MYG1: variants seen among roughly 807,000 people sequenced by gnomAD.
MYG1 encodes UPF0160 protein MYG1, mitochondrial.
In MYG1, 36 loss-of-function variants were observed where a neutral mutation model predicts 43.5. The ratio of observed to expected loss-of-function variants is 0.83; its 90% CI spans 0.63 to 1.09. MYG1 has a LOEUF of 1.09. Ranked by LOEUF, MYG1 falls within the 50% of genes least tolerant of loss-of-function variation. MYG1 has a pLI of 0.00. For missense variants in MYG1, 529 were observed against 495.1 expected (o/e 1.07, Z -0.65); for synonymous variants, 220 against 202.8 (o/e 1.08, Z -0.72).
chr12:53,301,156 A>C (rs1024034176), intron 2 of MYG1, among the ~76,000 whole-genome samples: 5 of 151,930 alleles, frequency 3.3e-5, no homozygotes, highest in African/African-American at 9.7e-5. Flanking sequence ...TGGCCTTGTG[A>C]TCTGCCCCGC....
rs770496861 is a variant in MYG1 at position 53,307,029 on chromosome 12, C to T, written c.1011C>T (p.Ile337=). 1 of 1,614,138 alleles carries T rather than the reference C, an allele frequency of 6.2e-7. No homozygotes were observed. Among genetic ancestry groups the T allele is most frequent in the African/African-American group, 1.3e-5 (1 of 74,954 alleles). Residue 337 remains isoleucine (I), a synonymous_variant, in exon 7 of 7, where the codon ATC becomes ATT. Transcript: ENST00000267103. Reference sequence around the variant, plus strand: ...AGGCCCTGGACCAGGTCAGTGGGATCCCTGGCTGCATCTTCGTCCATGCAA... The same window carrying T: ...AGGCCCTGGACCAGGTCAGTGGGATTCCTGGCTGCATCTTCGTCCATGCAA... ...RDEALDQVSG[I]PGCIFVHASG...
rs528978516 is a variant in MYG1 at position 53,305,952 on chromosome 12, G to C, written c.534G>C (p.Gly178=). ...AGGAGGTGGATGCTGTGGACAATGG[G>C]ATCTCCCAGTGGGCAGAGGGGGAGC... ...FVEEVDAVDN[G]ISQWAEGEPR... is the part of the protein sequence containing the mutation. Residue 178 remains glycine (G), a synonymous_variant, in exon 4 of 7, where the codon GGG becomes GGC. Coordinates refer to ENST00000267103, the MANE Select transcript of MYG1 (RefSeq NM_021640.4). 6.2e-7 allele frequency: 1 copy of C among 1,613,368 alleles called. No homozygotes were observed. The highest frequency in any genetic ancestry group is 1.7e-5 in the Admixed American group (1 of 59,828).
chr12:53,304,381 G>T (rs551653429), intron 3 of MYG1, among the ~76,000 whole-genome samples: 1 of 151,906 alleles, frequency 6.6e-6, no homozygotes, highest in Non-Finnish European at 1.5e-5. Context: ...CGCCTCCTGG[G>T]TTCAAGCGAT....
chr12:53,301,979 A>AT (rs1402139006), intron 2 of MYG1, among the ~76,000 whole-genome samples: 1 of 146,414 alleles, frequency 6.8e-6, no homozygotes, highest in African/African-American at 2.6e-5. Context: ...GCCCAGCCTC[A>AT]TTTTTTTTAT....
chr12:53,306,146 G>A lies in MYG1; in HGVS notation c.643-52G>A, dbSNP rs1944276878. On this transcript the variant is annotated intron_variant, in intron 4 of 6. Coordinates refer to ENST00000267103, the MANE Select transcript of MYG1 (RefSeq NM_021640.4). ...GAGCATTTGCTCCTCCTAAGCCCTA[G>A]CAAATTCCAAGTTTGGGCCAGCATC... The A allele has an allele frequency of 7.4e-6, 12 of 1,612,994 alleles. No homozygotes were observed. The South Asian group carries it at 1.1e-4, about 15-fold the overall frequency.
At chr12:53,303,302 T>C in intron 3 of MYG1, 109 bp downstream of exon 3, 1 of 1,242,434 alleles carries the variant, frequency 8.0e-7, no homozygotes, top group South Asian at 1.5e-5. Context: ...GTTCCTGGCC[T>C]ATAGCAGGCC....
At chr12:53,306,636 C>G (rs1200243383) in intron 5 of MYG1, 44 bp from the exon 6 acceptor site, 1 of 1,573,010 alleles carries the variant, frequency 6.4e-7, no homozygotes, top group South Asian at 1.2e-5. Context: ...GATCACCATG[C>G]CCAGCCTACC....
In MYG1 at chr12:53,299,748, A is replaced by G. The variant is rs1534284; in HGVS notation, c.11A>G (p.Gln4Arg). MGH[Q>R]FLRGLLTLLL... The stretch of plus-strand genomic sequence containing the variant: ...TGCAGGGAGCTGCTTATGGGACACC[A>G]ATTCCTGCGCGGCCTCTTAACGCTG... Residue 4 changes from glutamine to arginine, a missense_variant, in exon 1 of 7, where the codon CAA becomes CGA. By Grantham distance (43) the Gln-to-Arg change is conservative (BLOSUM62 1). Transcript: ENST00000267103. 0.99 allele frequency: 1,597,392 copies of G among 1,613,020 alleles called. 792,181 individuals carry two copies. The highest frequency in any genetic ancestry group is 1 in the Non-Finnish European group (1,179,405 of 1,179,706).
In MYG1 at chr12:53,306,667, C is replaced by G. The variant is rs778896042; in HGVS notation, c.766-13C>G. On this transcript the variant is annotated splice_polypyrimidine_tract_variant and intron_variant, in intron 5 of 6. Transcript: ENST00000267103. ...CTACCTTAAACCTTCTAGCTATGCT[C>G]TCCCTCTTTCAGGTGGACCCAAGTG... 5 of 1,609,132 alleles carry G rather than the reference C, an allele frequency of 3.1e-6. No homozygotes were observed. Among genetic ancestry groups the G allele is most frequent in the Middle Eastern group, 1.7e-4 (1 of 6,022 alleles).
chr12:53,305,609 G>T (rs1944268208), intron 3 of MYG1: 1 of 246,274 alleles, frequency 4.1e-6, no homozygotes, highest in Non-Finnish European at 7.8e-6. Flanking sequence ...AGCACCTAGA[G>T]ACCTTCCTTG....
chr12:53,306,771 C>T lies in MYG1; in HGVS notation c.857C>T (p.Pro286Leu). Residue 286 changes from proline (P) to leucine (L), a missense_variant, in exon 6 of 7, where the codon CCA (proline) becomes CTA (leucine). By Grantham distance (98) the Pro-to-Leu change is moderately conservative (BLOSUM62 -3). Transcript: ENST00000267103. ...LYHLESGLSP[P>L]VAIFFVIYTD... ...CACCTGGAATCTGGGCTGTCCCCTC[C>T]AGTGGCCATCTTCTTTGTTATCTAC... The T allele has an allele frequency of 1.2e-6, 2 of 1,614,184 alleles. No individual in the cohort carries two copies. Among genetic ancestry groups the T allele is most frequent in the South Asian group, 1.1e-5 (1 of 91,084 alleles).
rs369388636 is a variant in MYG1, at chr12:53,299,990, A to G, written c.216+37A>G. On this transcript the variant is annotated intron_variant, in intron 1 of 6. Transcript: ENST00000267103. ...GAAAAGTGACCCTGGGACTGCGTGC[A>G]TGCATGCCTCCGGGGTGGATGGCAT... is the stretch of plus-strand genomic sequence containing the variant. 59 of 1,610,590 alleles carry G rather than the reference A, an allele frequency of 3.7e-5. No homozygotes were observed. In the African/African-American group the frequency reaches 6.9e-4, roughly 19 times the overall value.
rs143723459 is a variant in MYG1, at chr12:53,299,744, C to T, written c.7C>T (p.His3Tyr). 1.1e-5 allele frequency: 17 copies of T among 1,612,666 alleles called. No individual in the cohort carries two copies. Among genetic ancestry groups the T allele is most frequent in the Non-Finnish European group, 1.4e-5 (17 of 1,179,472 alleles). The change falls in exon 1 of 7, where the codon CAC (histidine) becomes TAC (tyrosine). Residue 3 changes from histidine to tyrosine, a missense_variant. His to Tyr is a moderately conservative substitution (Grantham distance 83). Coordinates refer to ENST00000267103, the MANE Select transcript of MYG1 (RefSeq NM_021640.4). Reference sequence around the variant, plus strand: ...TCCCTGCAGGGAGCTGCTTATGGGACACCAATTCCTGCGCGGCCTCTTAAC... The same window carrying T: ...TCCCTGCAGGGAGCTGCTTATGGGATACCAATTCCTGCGCGGCCTCTTAAC... Reference protein sequence around the residue: MGHQFLRGLLTLL... With the variant: MGYQFLRGLLTLL...
intron 2 of MYG1, among the ~76,000 whole-genome samples, chr12:53,302,057 C>T (rs1477983045): frequency 2.0e-5 from 3 of 152,126 alleles, no homozygotes; most frequent in Admixed American, 6.5e-5. Context: ...ACTCAGCTCA[C>T]TTCAACCTCC....
rs375776915 is a variant in MYG1 at position 53,306,708 on chromosome 12, T to C, written c.794T>C (p.Leu265Pro). Residue 265 changes from leucine (L) to proline (P), a missense_variant, in exon 6 of 7, where the codon CTG becomes CCG. Physicochemically the swap from Leu to Pro is moderately conservative, Grantham distance 98. Transcript: ENST00000267103. ...GACCCAAGTGGAGAGATTGTGGAAC[T>C]GGCGAAAGGTGCATGTCCCTGGAAG... The part of the protein sequence containing the change: ...QVDPSGEIVE[L>P]AKGACPWKEH... The C allele has an allele frequency of 6.2e-7, 1 of 1,613,840 alleles. No individual in the cohort carries two copies. Among genetic ancestry groups the C allele is most frequent in the African/African-American group, 1.3e-5 (1 of 74,934 alleles).
rs369620998 is a variant in MYG1 at position 53,300,136 on chromosome 12, T to C, written c.217-14T>C. On this transcript the variant is annotated splice_polypyrimidine_tract_variant and intron_variant, in intron 1 of 6. Coordinates refer to ENST00000267103, the MANE Select transcript of MYG1 (RefSeq NM_021640.4). ...CGACACCCGGCAGCCCCTTCACCCCTGTGTACCTCGCAGGATGCAGAGATT... is the reference window on the plus strand; with the variant it reads ...CGACACCCGGCAGCCCCTTCACCCCCGTGTACCTCGCAGGATGCAGAGATT... The C allele has an allele frequency of 5.7e-6, 9 of 1,586,914 alleles. No homozygotes were observed. In the African/African-American group the frequency reaches 1.2e-4, roughly 21 times the overall value.
At chr12:53,303,487 G>A in intron 3 of MYG1, 1 of 306,630 alleles carries the variant, frequency 3.3e-6, no homozygotes, top group Non-Finnish European at 6.1e-6. Flanking sequence ...AACAGCAATT[G>A]CTCAGCACCT....
At chr12:53,301,947 G>T (rs964985051) in intron 2 of MYG1, among the ~76,000 whole-genome samples, 1 of 151,882 alleles carries the variant, frequency 6.6e-6, no homozygotes, top group African/African-American at 2.4e-5. Context: ...AAAGTGCTAG[G>T]ATTGCAGGTG....
chr12:53,304,993 C>T (rs1944261949), intron 3 of MYG1, among the ~76,000 whole-genome samples: 1 of 150,588 alleles, frequency 6.6e-6, no homozygotes, highest in Non-Finnish European at 1.5e-5. Flanking sequence ...CTCAGCCTCC[C>T]AAGTAGCTGG....
Sources: allele counts gnomAD v4.1 joint callset (sites outside exome capture counted in the v4.1 genomes callset), GRCh38; gene constraint gnomAD v4.1.1; transcripts MANE v1.5; gene names NCBI Gene and HGNC (gene_info 2026-07-23, HGNC 2026-07-21).